BUB3: variants seen among roughly 807,000 people sequenced by gnomAD.
BUB3 encodes BUB3 mitotic checkpoint protein.
A neutral mutation model predicts 39.9 loss-of-function variants in BUB3; 22 were observed. The observed-to-expected ratio is 0.55, with a 90% CI of 0.39 to 0.79. The LOEUF is 0.79. Among genes scored for constraint, BUB3 ranks in the 30% least tolerant of loss-of-function variants. The pLI is 0.00. For synonymous variants in BUB3, 168 were observed against 155.1 expected (o/e 1.08, Z -0.62); for missense variants, 303 against 415.4 (o/e 0.73, Z 2.35).
Position 123,168,075 on chromosome 10 carries a change from T to A in BUB3, c.*4240T>A, listed in dbSNP as rs1380061713. The A allele has an allele frequency of 6.6e-6, 1 of 152,206 alleles. No individual in the cohort carries two copies. The highest frequency in any genetic ancestry group is 2.4e-5 in the African/African-American group (1 of 41,442). The allele number at this position is 152,206 out of a possible 1,614,324, so 9.4% of individuals were successfully genotyped here. On this transcript the variant is annotated 3_prime_UTR_variant, in exon 8 of 8. Coordinates refer to ENST00000368865, the MANE Select transcript of BUB3 (RefSeq NM_004725.4). ...CTCTTGCCTCCCTAAGAGCTGGGAT[T>A]ATAGGCGTGAGCCACCCCACCCGGC...
At position 123,155,001 on chromosome 10, in the gene BUB3, G is replaced by C. The variant is rs558156534; in HGVS notation, c.84G>C (p.Gln28His). The C allele has an allele frequency of 1.2e-6, 2 of 1,614,188 alleles. No individual in the cohort carries two copies. The highest frequency in any genetic ancestry group is 1.7e-5 in the Admixed American group (1 of 60,030). The change falls in exon 2 of 8, where the codon CAG (glutamine) becomes CAC (histidine). Residue 28 changes from glutamine to histidine, a missense_variant. By Grantham distance (24) the Gln-to-His change is conservative. Coordinates refer to ENST00000368865, the MANE Select transcript of BUB3 (RefSeq NM_004725.4). ...TGAAGTTCAGCCCCAACACCTCCCAGTTCCTGCTTGTCTCCTCCTGGGACA... is the reference window on the plus strand; with the variant it reads ...TGAAGTTCAGCCCCAACACCTCCCACTTCCTGCTTGTCTCCTCCTGGGACA... ...SSVKFSPNTS[Q>H]FLLVSSWDTS...
At chr10:123,155,520 G>T in intron 2 of BUB3, 138 bp from the exon 3 acceptor site, 1 of 768,028 alleles carries the variant, frequency 1.3e-6, no homozygotes, top group Admixed American at 2.5e-5. Flanking sequence ...TTTTTATGCT[G>T]TTTTTTGGTT....
chr10:123,158,024 C>G (rs983472038), intron 4 of BUB3, 144 bp downstream of exon 4: 1 of 913,104 alleles, frequency 1.1e-6, no homozygotes, highest in Non-Finnish European at 1.5e-6. Flanking sequence ...TTTATAAATC[C>G]AACTACATAG....
Position 123,164,943 on chromosome 10 carries a change from T to A in BUB3, c.*1108T>A, listed in dbSNP as rs1287023017. 1.0e-5 allele frequency: 15 copies of A among 1,500,242 alleles called. No homozygotes were observed. The East Asian group carries it at 2.1e-4, about 21-fold the overall frequency. 92.9% of individuals were successfully genotyped at this position (1,500,242 alleles called of 1,614,324 possible). On this transcript the variant is annotated 3_prime_UTR_variant, in exon 8 of 8. Coordinates refer to ENST00000368865, the MANE Select transcript of BUB3 (RefSeq NM_004725.4). ...TATTTTATCCGTGATGTATTTTTTT[T>A]AATTCTTTTGATACAGAGAAGGGTC...
chr10:123,161,090 A>G (rs1844417182), intron 5 of BUB3, among the ~76,000 whole-genome samples: 1 of 151,424 alleles, frequency 6.6e-6, no homozygotes, highest in Admixed American at 6.6e-5. Flanking sequence ...CTTATGACTG[A>G]CTCTTGATGT....
intron 6 of BUB3, 60 bp downstream of exon 6, chr10:123,162,473 T>C (rs1844437890): frequency 1.3e-6 from 2 of 1,577,602 alleles, no homozygotes; most frequent in Non-Finnish European, 1.7e-6. Context: ...TTGCTTTTTA[T>C]GGTATTTAGT....
At chr10:123,161,142 C>G (rs1844417980) in intron 5 of BUB3, among the ~76,000 whole-genome samples, 1 of 152,032 alleles carries the variant, frequency 6.6e-6, no homozygotes, top group South Asian at 2.1e-4. Flanking sequence ...TGATATTAGC[C>G]TGTTTATTAG....
In BUB3 at chr10:123,164,876, A is replaced by G; in HGVS notation, c.*1041A>G. 7.3e-7 allele frequency: 1 copy of G among 1,367,890 alleles called. No homozygotes were observed. The highest frequency in any genetic ancestry group is 3.2e-5 in the Admixed American group (1 of 30,898). The allele number at this position is 1,367,890 out of a possible 1,614,324, so 84.7% of individuals were successfully genotyped here. The stretch of plus-strand genomic sequence containing the variant: ...AACTTTAAAATTTATATTAATTTGC[A>G]AATGTATGTCTCTGAGTAGGACTTG... On this transcript the variant is annotated 3_prime_UTR_variant, in exon 8 of 8. Transcript: ENST00000368865.
chr10:123,162,745 A>T lies in BUB3; in HGVS notation c.888A>T (p.Ser296=), dbSNP rs778839112. The change falls in exon 7 of 8, where the codon TCA becomes TCT. Residue 296 remains serine, a synonymous_variant. Transcript: ENST00000368865. ...NDGTTLAIAS[S]YMYEMDDTEH... is the part of the protein sequence containing the mutation. ...GGACTACGCTTGCAATAGCGTCATC[A>T]TATATGTATGAAATGGATGACACAG... The T allele has an allele frequency of 6.2e-7, 1 of 1,613,910 alleles. No individual in the cohort carries two copies. The highest frequency in any genetic ancestry group is 8.5e-7 in the Non-Finnish European group (1 of 1,179,952).
In BUB3 at chr10:123,164,188, C is replaced by T; in HGVS notation, c.*353C>T. 1 of 1,008,796 alleles carries T rather than the reference C, an allele frequency of 9.9e-7. No individual in the cohort carries two copies. Among genetic ancestry groups the T allele is most frequent in the Non-Finnish European group, 1.2e-6 (1 of 846,160 alleles). The allele number at this position is 1,008,796 out of a possible 1,614,324, so 62.5% of individuals were successfully genotyped here. A position where few individuals can be genotyped will look rare whatever the true frequency, so the allele number is the denominator to read the frequency against. On this transcript the variant is annotated 3_prime_UTR_variant, in exon 8 of 8. Coordinates refer to ENST00000368865, the MANE Select transcript of BUB3 (RefSeq NM_004725.4). ...AAAATCCCTTTGCATTCTTTCTGGA[C>T]CTTAAATGGTAGAGGAAAAGGCTCG...
chr10:123,168,856 CTTTT>C lies in BUB3; in HGVS notation c.*5030_*5033del, dbSNP rs57861554. On this transcript the variant is annotated 3_prime_UTR_variant, in exon 8 of 8. Coordinates refer to ENST00000368865, the MANE Select transcript of BUB3 (RefSeq NM_004725.4). ...CATGAGCCACTGCACCCAGCTGTGACTTTTTTTTTTTTAAGCTCATCAGCTATTG... is the reference window on the plus strand; with the variant it reads ...CATGAGCCACTGCACCCAGCTGTGACTTTTTTTTAAGCTCATCAGCTATTG... 2 of 146,656 alleles carry C rather than the reference CTTTT, an allele frequency of 1.4e-5. No individual in the cohort carries two copies. Among genetic ancestry groups the C allele is most frequent in the African/African-American group, 5.0e-5 (2 of 40,198 alleles). 9.1% of individuals were successfully genotyped at this position (146,656 alleles called of 1,614,324 possible).
intron 4 of BUB3, 148 bp downstream of exon 4, chr10:123,158,028 T>C (rs907995641): frequency 1.1e-6 from 1 of 869,758 alleles, no homozygotes; most frequent in Admixed American, 3.7e-5. Context: ...TAAATCCAAC[T>C]ACATAGAAAT....
At chr10:123,160,315 TG>T in intron 4 of BUB3, 91 bp from the exon 5 acceptor site, 1 of 1,188,818 alleles carries the variant, frequency 8.4e-7, no homozygotes. Flanking sequence ...TAATTTTTTA[TG>T]GTCTTATGAT....
chr10:123,155,240 T>C, intron 2 of BUB3, 128 bp downstream of exon 2: 7 of 1,071,786 alleles, frequency 6.5e-6, no homozygotes, highest in Non-Finnish European at 9.1e-6. Flanking sequence ...TCTTTAGCTT[T>C]TCAGGAGCAT....
rs1310284372 is a variant in BUB3, at chr10:123,167,512, C to A, written c.*3677C>A. The stretch of plus-strand genomic sequence containing the variant: ...TTTCCTACTTAAAGCAAGAGCAGGA[C>A]CACATCTTTTTGTATGCTCTGGCAC... On this transcript the variant is annotated 3_prime_UTR_variant, in exon 8 of 8. Transcript: ENST00000368865. 6.6e-6 allele frequency: 1 copy of A among 152,140 alleles called. No homozygotes were observed. Among genetic ancestry groups the A allele is most frequent in the Non-Finnish European group, 1.5e-5 (1 of 68,032 alleles). The allele number at this position is 152,140 out of a possible 1,614,324, so 9.4% of individuals were successfully genotyped here.
At chr10:123,161,715 C>T (rs1459993055) in intron 5 of BUB3, among the ~76,000 whole-genome samples, 1 of 152,050 alleles carries the variant, frequency 6.6e-6, no homozygotes, top group African/African-American at 2.4e-5. Flanking sequence ...AATTGTAAAC[C>T]ACTTTTGAAT....
At position 123,164,671 on chromosome 10, in the gene BUB3, TATTTCTCTGAC is replaced by T. The variant is rs1844466045; in HGVS notation, c.*841_*851del. 7.9e-6 allele frequency: 8 copies of T among 1,009,232 alleles called. No individual in the cohort carries two copies. Among genetic ancestry groups the T allele is most frequent in the Non-Finnish European group, 9.5e-6 (8 of 845,434 alleles). 62.5% of individuals were successfully genotyped at this position (1,009,232 alleles called of 1,614,324 possible). A position where few individuals can be genotyped will look rare whatever the true frequency, so the allele number is the denominator to read the frequency against. ...TTTGGAAACATTAATGAGGTTTACA[TATTTCTCTGAC>T]ATTTATATAGTTCTTATGTCCATTT... On this transcript the variant is annotated 3_prime_UTR_variant, in exon 8 of 8. Coordinates refer to ENST00000368865, the MANE Select transcript of BUB3 (RefSeq NM_004725.4).
intron 3 of BUB3, 44 bp downstream of exon 3, chr10:123,155,771 T>C (rs1844341845): frequency 6.4e-7 from 1 of 1,568,606 alleles, no homozygotes; most frequent in Non-Finnish European, 8.8e-7. Flanking sequence ...TTGGCTAGTG[T>C]TCTTAAGTAT....
chr10:123,168,386 C>T lies in BUB3; in HGVS notation c.*4551C>T, dbSNP rs943086996. The T allele has an allele frequency of 1.3e-5, 2 of 152,202 alleles. No individual in the cohort carries two copies. The highest frequency in any genetic ancestry group is 1.3e-4 in the Admixed American group (2 of 15,292). 9.4% of individuals were successfully genotyped at this position (152,202 alleles called of 1,614,324 possible). A position where few individuals can be genotyped will look rare whatever the true frequency, so the allele number is the denominator to read the frequency against. On this transcript the variant is annotated 3_prime_UTR_variant, in exon 8 of 8. Coordinates refer to ENST00000368865, the MANE Select transcript of BUB3 (RefSeq NM_004725.4). The stretch of plus-strand genomic sequence containing the variant: ...GTGTGACTTGCACAAGCCACACAGC[C>T]TGCATGGTGTCCACTTTGAGGGGGA...
Sources: gnomAD v4.1 joint callset for allele counts (sites outside exome capture counted in the v4.1 genomes callset) on GRCh38, gnomAD v4.1.1 for gene constraint, MANE v1.5 for transcripts, NCBI Gene and HGNC (gene_info 2026-07-23, HGNC 2026-07-21) for gene names.